The following SLC4A11 variants were observed in gnomAD, a reference collection of about 807,000 sequenced individuals.
SLC4A11 encodes the protein bicarbonate transporter related protein 1.
In SLC4A11, 74 loss-of-function variants were observed where a neutral mutation model predicts 95.0. The observed-to-expected ratio is 0.78, with a 90% CI of 0.65 to 0.95. The LOEUF (loss-of-function observed/expected upper bound fraction) is 0.95, where lower values mean the gene tolerates loss of function less well. Ranked by LOEUF, SLC4A11 falls within the 40% of genes least tolerant of loss-of-function variation. The pLI, the probability that SLC4A11 is intolerant of heterozygous loss-of-function variation, is 0.00. For synonymous variants in SLC4A11, 548 were observed against 519.0 expected (o/e 1.06, Z -0.76); for missense variants, 1,081 against 1,192.4 (o/e 0.91, Z 1.38).
In SLC4A11 at chr20:3,227,601, A is replaced by C; in HGVS notation, c.*186T>G. On this transcript the variant is annotated 3_prime_UTR_variant, in exon 20 of 20. Coordinates refer to ENST00000642402, the MANE Select transcript of SLC4A11 (RefSeq NM_001174089.2). ...CGCTCTTGGCCTAAAGCTAAAGGAT[A>C]ATGGGAGAGGGGTGGGCACATACCA... 1.5e-6 allele frequency: 1 copy of C among 656,666 alleles called. No individual in the cohort carries two copies. The allele number at this position is 656,666 out of a possible 1,614,324, so 40.7% of individuals were successfully genotyped here.
In SLC4A11 at chr20:3,233,943, G is replaced by A; in HGVS notation, c.583C>T (p.Gln195Ter). 1 of 1,613,508 alleles carries A rather than the reference G, an allele frequency of 6.2e-7. No homozygotes were observed. ...CACATGATGCAGAGCCACGACTGCT[G>A]GTACCGCACCCCTGTCACTGTGGCG... ...VTATVTGVRY[Q>*]QSWLCIICTM... is the part of the protein sequence containing the mutation. Residue 195 changes from glutamine to a stop codon, truncating the protein, a stop_gained, in exon 6 of 20, where the codon CAG becomes TAG. Transcript: ENST00000642402. LOFTEE classifies it high-confidence loss of function.
Position 3,229,133 on chromosome 20 carries a change from C to G in SLC4A11, c.1980G>C (p.Gln660His). 5.0e-6 allele frequency: 8 copies of G among 1,596,798 alleles called. No homozygotes were observed. The highest frequency in any genetic ancestry group is 6.8e-6 in the Non-Finnish European group (8 of 1,176,578). Residue 660 changes from glutamine (Q) to histidine (H), a missense_variant, in exon 16 of 20, where the codon CAG (glutamine) becomes CAC (histidine). Physicochemically the swap from Gln to His is conservative, Grantham distance 24. Transcript: ENST00000642402. ...FLLSMLFFIE[Q>H]NLVAALVNAP... The stretch of plus-strand genomic sequence containing the variant: ...CATTCACCAAGGCGGCCACCAAGTT[C>G]TGCTCGATGAAGAAGAGCATGGACA...
rs757303856 is a variant in SLC4A11, at chr20:3,233,538, G to A, written c.705C>T (p.Ile235=). The A allele has an allele frequency of 6.2e-7, 1 of 1,613,654 alleles. No individual in the cohort carries two copies. The highest frequency in any genetic ancestry group is 1.3e-5 in the African/African-American group (1 of 74,910). ...GENSCEVRFV[I]LVLAPPKMKS... ...CCATCTTGGGTGGGGCCAGCACCAG[G>A]ATGACGAACCGAACCTCACAGGAAT... Residue 235 remains isoleucine (I), a synonymous_variant, in exon 7 of 20, where the codon ATC becomes ATT. Coordinates refer to ENST00000642402, the MANE Select transcript of SLC4A11 (RefSeq NM_001174089.2).
rs756061113 is a variant in SLC4A11 at position 3,234,231 on chromosome 20, C to G, written c.375G>C (p.Leu125=). Residue 125 remains leucine (L), a synonymous_variant, in exon 5 of 20, where the codon CTG becomes CTC. Coordinates refer to ENST00000642402, the MANE Select transcript of SLC4A11 (RefSeq NM_001174089.2). This position sits in a 1 kb window ranked among gnomAD's most constrained non-coding sequence, Gnocchi z 5.8. ...DGFLAQASIV[L]NETATSLDNV... ...TATCCAGGGAGGTGGCCGTCTCGTT[C>G]AGGACGATGCTGGCCTGCGCCAGGA... 3 of 1,614,080 alleles carry G rather than the reference C, an allele frequency of 1.9e-6. No homozygotes were observed. The South Asian group carries it at 3.3e-5, about 18-fold the overall frequency.
chr20:3,235,309 T>TCACACACACACACACA (rs58744452), intron 2 of SLC4A11, among the ~76,000 whole-genome samples: 1 of 123,540 alleles, frequency 8.1e-6, no homozygotes, highest in African/African-American at 3.2e-5. Flanking sequence ...TCTCTCTCTC[T>TCACACACACACACACA]CACACACACA....
rs749832583 is a variant in SLC4A11 at position 3,233,957 on chromosome 20, G to A, written c.569C>T (p.Thr190Ile). 6.2e-7 allele frequency: 1 copy of A among 1,613,800 alleles called. No homozygotes were observed. The highest frequency in any genetic ancestry group is 1.1e-5 in the South Asian group (1 of 91,076). The change falls in exon 6 of 20, where the codon ACA (threonine) becomes ATA (isoleucine). Residue 190 changes from threonine to isoleucine, a missense_variant. By Grantham distance (89) the Thr-to-Ile change is moderately conservative (BLOSUM62 -1). Transcript: ENST00000642402. The stretch of plus-strand genomic sequence containing the variant: ...CCACGACTGCTGGTACCGCACCCCT[G>A]TCACTGTGGCGGTGACCCCTTGGAT... ...DTIQGVTATV[T>I]GVRYQQSWLC... is the part of the protein sequence containing the mutation.
In SLC4A11 at chr20:3,228,548, C is replaced by T. The variant is rs765696787; in HGVS notation, c.2352G>A (p.Gln784=). 1 of 1,613,166 alleles carries T rather than the reference C, an allele frequency of 6.2e-7. No homozygotes were observed. Among genetic ancestry groups the T allele is most frequent in the East Asian group, 2.2e-5 (1 of 44,868 alleles). ...GCAGCAGGGCCACGCGCTGGACGAG[C>T]TGGTTGCCATCGAGGGAGGTGAGCG... ...YIALTSLDGN[Q]LVQRVALLLK... The change falls in exon 18 of 20, where the codon CAG becomes CAA. Residue 784 remains glutamine (Q), a synonymous_variant. Transcript: ENST00000642402.
Position 3,231,607 on chromosome 20 carries a change from C to G in SLC4A11, c.730-59G>C. 6.5e-7 allele frequency: 1 copy of G among 1,526,996 alleles called. No homozygotes were observed. The highest frequency in any genetic ancestry group is 9.1e-7 in the Non-Finnish European group (1 of 1,103,076). 94.6% of individuals were successfully genotyped at this position (1,526,996 alleles called of 1,614,324 possible). Reference sequence around the variant, plus strand: ...CAGAGGAGGCCCTGCCCGGGCCGAGCAGGTGAAGGTGCTCTCCCCATGAAC... The same window carrying G: ...CAGAGGAGGCCCTGCCCGGGCCGAGGAGGTGAAGGTGCTCTCCCCATGAAC... On this transcript the variant is annotated intron_variant, in intron 7 of 19. Transcript: ENST00000642402. This position sits in a 1 kb window ranked among gnomAD's most constrained non-coding sequence, Gnocchi z 5.2.
intron 12 of SLC4A11, 31 bp from the exon 13 acceptor site, chr20:3,230,291 G>A (rs1232445004): frequency 6.2e-7 from 1 of 1,612,604 alleles, no homozygotes; most frequent in Admixed American, 1.7e-5. Flanking sequence ...TCATCAGAGT[G>A]GGTGTGGTCA....
Position 3,230,816 on chromosome 20 carries a change from T to A in SLC4A11, c.1198A>T (p.Ile400Phe). 1.2e-6 allele frequency: 2 copies of A among 1,613,264 alleles called. No homozygotes were observed. Among genetic ancestry groups the A allele is most frequent in the South Asian group, 1.1e-5 (1 of 91,082 alleles). Residue 400 changes from isoleucine to phenylalanine, a missense_variant, in exon 11 of 20, where the codon ATC becomes TTC. By Grantham distance (21) the Ile-to-Phe change is conservative (BLOSUM62 0). Transcript: ENST00000642402. ...DVQKTIAGQS[I>F]GGLLYALFSG... ...AAGAGCGCGTAGAGCAGGCCCCCGA[T>A]GCTCTGCCCGGCTATGGTCTTCTGC...
intron 6 of SLC4A11, 24 bp from the exon 7 acceptor site, chr20:3,233,661 G>A (rs939887243): frequency 7.5e-6 from 12 of 1,609,760 alleles, no homozygotes; most frequent in Admixed American, 3.3e-5. Flanking sequence ...GGAGGACACA[G>A]TGCACAGTTG....
In SLC4A11 at chr20:3,229,350, G is replaced by A. The variant is rs780785418; in HGVS notation, c.1845C>T (p.Ile615=). ...SLISSHGFRE[I]EMSKFRYNPS... is the part of the protein sequence containing the mutation. ...CACCGCCCGGCCCCAACTCACTCTCGATTTCCCGGAAGCCATGGGAGCTGA... is the reference window on the plus strand; with the variant it reads ...CACCGCCCGGCCCCAACTCACTCTCAATTTCCCGGAAGCCATGGGAGCTGA... The change falls in exon 15 of 20, where the codon ATC becomes ATT. Residue 615 remains isoleucine, a synonymous_variant. Transcript: ENST00000642402. 9 of 1,613,084 alleles carry A rather than the reference G, an allele frequency of 5.6e-6. No individual in the cohort carries two copies. The highest frequency in any genetic ancestry group is 1.6e-4 in the Middle Eastern group (1 of 6,084).
At position 3,234,173 on chromosome 20, in the gene SLC4A11, T is replaced by G. The variant is rs3827075; in HGVS notation, c.433A>C (p.Arg145=). The G allele has an allele frequency of 0.42, 674,637 of 1,613,864 alleles. 145,352 individuals are homozygous for G. The highest frequency in any genetic ancestry group is 0.65 in the African/African-American group (48,722 of 74,992). Residue 145 remains arginine, a synonymous_variant, in exon 5 of 20, where the codon AGG becomes CGG. Transcript: ENST00000642402. The surrounding 1 kb of genome is among the most constrained non-coding windows in gnomAD (Gnocchi z 5.8). ...TTGGGCTCATTGTTGTCAGGGTCCC[T>G]GGCGAAGCGGCGAAGCATGGTCCGC... ...VLRTMLRRFA[R]DPDNNEPNCN...
upstream of SLC4A11, chr20:3,239,377 C>T: frequency 9.0e-7 from 1 of 1,115,320 alleles, no homozygotes. Flanking sequence ...CCGGGCTGGG[C>T]TGCTCCCCGC....
Position 3,229,794 on chromosome 20 carries a change from C to G in SLC4A11, c.1490-18G>C, listed in dbSNP as rs767398370. The G allele has an allele frequency of 6.2e-7, 1 of 1,613,720 alleles. No individual in the cohort carries two copies. The highest frequency in any genetic ancestry group is 8.5e-7 in the Non-Finnish European group (1 of 1,179,960). On this transcript the variant is annotated intron_variant, in intron 13 of 19. Coordinates refer to ENST00000642402, the MANE Select transcript of SLC4A11 (RefSeq NM_001174089.2). ...CCAGAAGACTGTGGACACACACCCA[C>G]AGGCCTCAGCCCTCTCCAGCGTGTG...
At position 3,233,580 on chromosome 20, in the gene SLC4A11, T is replaced by C. The variant is rs770641119; in HGVS notation, c.663A>G (p.Pro221=). Residue 221 remains proline (P), a synonymous_variant, in exon 7 of 20, where the codon CCA becomes CCG. Coordinates refer to ENST00000642402, the MANE Select transcript of SLC4A11 (RefSeq NM_001174089.2). ...RHVCISRLVR[P]QNWGENSCEV... ...CACAGGAATTCTCCCCCCAGTTCTG[T>C]GGGCGAACCAGGCGGCTGATGCACA... The C allele has an allele frequency of 1.2e-6, 2 of 1,613,668 alleles. No homozygotes were observed. Among genetic ancestry groups the C allele is most frequent in the Admixed American group, 3.3e-5 (2 of 60,014 alleles).
intron 7 of SLC4A11, among the ~76,000 whole-genome samples, chr20:3,233,243 G>C (rs1288238513): frequency 6.6e-6 from 1 of 152,184 alleles, no homozygotes; most frequent in Non-Finnish European, 1.5e-5. Context: ...CTGGCGGGCG[G>C]GCAGGCCAGA....
intron 12 of SLC4A11, 81 bp downstream of exon 12, chr20:3,230,434 C>T: frequency 6.2e-7 from 1 of 1,607,540 alleles, no homozygotes; most frequent in South Asian, 1.1e-5. Flanking sequence ...GTGGGGGCAC[C>T]CCCACCACCC....
At chr20:3,239,282 C>G, upstream of SLC4A11, 2 of 1,188,590 alleles carry the variant, frequency 1.7e-6, no homozygotes, top group Non-Finnish European at 2.1e-6. Flanking sequence ...GCTCAGACGC[C>G]GCGCCCGGGC....
Sources: gnomAD v4.1 joint callset for allele counts (sites outside exome capture counted in the v4.1 genomes callset) on GRCh38, gnomAD v4.1.1 for gene constraint, Gnocchi (gnomAD v3.1) non-coding constraint, MANE v1.5 for transcripts, NCBI Gene and HGNC (gene_info 2026-07-23, HGNC 2026-07-21) for gene names.